Variants in MEGF11 observed in about 807,000 individuals in gnomAD.
MEGF11 encodes multiple EGF like domains 11.
A neutral mutation model predicts 146.6 loss-of-function variants in MEGF11; 126 were observed. The ratio of observed to expected loss-of-function variants is 0.86; its 90% CI spans 0.74 to 1.00. The LOEUF (loss-of-function observed/expected upper bound fraction) is 1.00, where lower values mean the gene tolerates loss of function less well. MEGF11 is among the 50% of genes least tolerant of loss of function. The pLI is 0.00. For synonymous variants in MEGF11, 532 were observed against 583.4 expected (o/e 0.91, Z 1.27); for missense variants, 1,509 against 1,521.2 (o/e 0.99, Z 0.13).
chr15:66,249,973 C>T (rs193271133), intron 1 of MEGF11, among the ~76,000 whole-genome samples: 1 of 152,304 alleles, frequency 6.6e-6, no homozygotes, highest in East Asian at 1.9e-4. Flanking sequence ...CGGGCTGGGC[C>T]CCTCTTACTG....
intron 5 of MEGF11, among the ~76,000 whole-genome samples, chr15:66,075,654 G>A (rs1181970989): frequency 6.6e-6 from 1 of 152,184 alleles, no homozygotes; most frequent in Non-Finnish European, 1.5e-5. Flanking sequence ...GGGACAGAGT[G>A]AAGCCAGATC....
chr15:66,224,714 T>A (rs1417308397), intron 1 of MEGF11, among the ~76,000 whole-genome samples: 1 of 146,124 alleles, frequency 6.8e-6, no homozygotes, highest in Non-Finnish European at 1.5e-5. Flanking sequence ...TATATACATT[T>A]TATATATATC....
At chr15:66,195,442 T>C (rs560151946) in intron 1 of MEGF11, among the ~76,000 whole-genome samples, 25 of 152,300 alleles carry the variant, frequency 1.6e-4, no homozygotes, top group African/African-American at 5.5e-4. Context: ...GGTTGTGTCC[T>C]AGCCTGGGTT....
chr15:66,028,454 A>C (rs2083411380), intron 5 of MEGF11, among the ~76,000 whole-genome samples: 1 of 152,250 alleles, frequency 6.6e-6, no homozygotes, highest in Non-Finnish European at 1.5e-5. Flanking sequence ...AATAGGAATG[A>C]TCAAATGATC....
At chr15:66,156,196 C>G (rs534674238) in intron 1 of MEGF11, among the ~76,000 whole-genome samples, 1 of 152,260 alleles carries the variant, frequency 6.6e-6, no homozygotes, top group Non-Finnish European at 1.5e-5. Context: ...TGGGTCCTCT[C>G]ACAGCAGCCT....
chr15:66,188,051 C>T (rs543245835), intron 1 of MEGF11, among the ~76,000 whole-genome samples: 159 of 152,228 alleles, frequency 1.0e-3, no homozygotes, highest in East Asian at 2.5e-3. Flanking sequence ...TGGGGGGAGC[C>T]GGAGGACTGT....
At chr15:65,951,845 T>G (rs2080414604) in intron 10 of MEGF11, among the ~76,000 whole-genome samples, 2 of 152,086 alleles carry the variant, frequency 1.3e-5, no homozygotes, top group African/African-American at 2.4e-5. Context: ...CAAATTTTTT[T>G]TTTTTAAATA....
rs1157914907 is a variant in MEGF11, at chr15:65,989,948, C to T, written c.395-7460G>A. Among the ~76,000 whole-genome samples the T allele has an allele frequency of 2.0e-5, 3 of 152,158 alleles. No individual in the cohort carries two copies. In the East Asian group the frequency reaches 5.8e-4, roughly 29 times the overall value. On this transcript the variant is annotated intron_variant, in intron 5 of 25. Transcript: ENST00000395614. ...ATGGCTCGTACCTGTAATCCCAAAA[C>T]TTTGGGAGGCCGAGGAAGGAGGATC...
At chr15:66,137,811 G>A (rs1206833825) in intron 1 of MEGF11, among the ~76,000 whole-genome samples, 1 of 151,908 alleles carries the variant, frequency 6.6e-6, no homozygotes, top group Non-Finnish European at 1.5e-5. Flanking sequence ...GCCTCCCAAA[G>A]TGCTGGGATT....
rs1047652568 is a variant in MEGF11, at chr15:65,898,515, G to A, written c.3262+213C>T. ...CCAGTATTTGTTTCATATTAGTCCTGGTGTTTTTTAAAGCAGAGTTGGTAC... is the reference window on the plus strand; with the variant it reads ...CCAGTATTTGTTTCATATTAGTCCTAGTGTTTTTTAAAGCAGAGTTGGTAC... On this transcript the variant is annotated intron_variant, in intron 25 of 25. Coordinates refer to ENST00000395614, the MANE Select transcript of MEGF11 (RefSeq NM_001385028.1). The A allele has an allele frequency of 4.2e-5, 41 of 985,338 alleles. No individual in the cohort carries two copies. In the African/African-American group the frequency reaches 7.0e-4, roughly 17 times the overall value. 61.0% of individuals were successfully genotyped at this position (985,338 alleles called of 1,614,324 possible). A position where few individuals can be genotyped will look rare whatever the true frequency, so the allele number is the denominator to read the frequency against.
intron 5 of MEGF11, among the ~76,000 whole-genome samples, chr15:66,028,235 C>A (rs1204634119): frequency 6.6e-6 from 1 of 152,212 alleles, no homozygotes; most frequent in African/African-American, 2.4e-5. Context: ...CAGCACCCAG[C>A]ACAGACCCTG....
At chr15:66,058,183 A>G (rs1456633159) in intron 5 of MEGF11, among the ~76,000 whole-genome samples, 1 of 152,212 alleles carries the variant, frequency 6.6e-6, no homozygotes, top group Non-Finnish European at 1.5e-5. Flanking sequence ...TATCCCTGCA[A>G]GATGGGCTGA....
Position 65,913,895 on chromosome 15 carries a change from G to A in MEGF11, c.2552C>T (p.Ala851Val), listed in dbSNP as rs968632440. Residue 851 changes from alanine (A) to valine (V), a missense_variant, in exon 20 of 26, where the codon GCT (alanine) becomes GTT (valine). By Grantham distance (64) the Ala-to-Val change is moderately conservative. Coordinates refer to ENST00000395614, the MANE Select transcript of MEGF11 (RefSeq NM_001385028.1). Reference sequence around the variant, plus strand: ...TAACAGGAGCATGATGCCTGTGACAGCACCCACCGAGTGCCGCTCTGCACC... The same window carrying A: ...TAACAGGAGCATGATGCCTGTGACAACACCCACCGAGTGCCGCTCTGCACC... ...ALGAERHSVG[A>V]VTGIMLLLFL... 6.8e-6 allele frequency: 11 copies of A among 1,613,914 alleles called. No individual in the cohort carries two copies. The highest frequency in any genetic ancestry group is 2.2e-5 in the East Asian group (1 of 44,898).
At chr15:66,214,160 C>T (rs765500494) in intron 1 of MEGF11, among the ~76,000 whole-genome samples, 75 of 151,878 alleles carry the variant, frequency 4.9e-4, no homozygotes, top group African/African-American at 1.5e-3. Context: ...CTCAGCCTCC[C>T]GAGTAGCTGG....
chr15:66,117,626 G>A (rs955501769), intron 4 of MEGF11, among the ~76,000 whole-genome samples: 7 of 152,148 alleles, frequency 4.6e-5, no homozygotes, highest in South Asian at 2.1e-4. Flanking sequence ...TGCGCGGGCC[G>A]CTTACATCTG....
intron 4 of MEGF11, among the ~76,000 whole-genome samples, chr15:66,116,666 T>C (rs928232980): frequency 6.6e-6 from 1 of 152,158 alleles, no homozygotes; most frequent in Non-Finnish European, 1.5e-5. Context: ...AAGGACTTTG[T>C]GTGTTGGTAT....
intron 4 of MEGF11, among the ~76,000 whole-genome samples, chr15:66,107,020 G>A (rs2087115326): frequency 1.3e-5 from 2 of 151,692 alleles, no homozygotes; most frequent in Admixed American, 1.3e-4. Context: ...TCGTGATAGG[G>A]GTGCCAAGCC....
chr15:65,995,969 A>T (rs2082183758), intron 5 of MEGF11, among the ~76,000 whole-genome samples: 1 of 152,136 alleles, frequency 6.6e-6, no homozygotes. Flanking sequence ...AAACTGAGGC[A>T]CAGAGAGGTA....
At chr15:66,082,720 G>C (rs912545302) in intron 5 of MEGF11, among the ~76,000 whole-genome samples, 10 of 141,896 alleles carry the variant, frequency 7.0e-5, no homozygotes, top group Non-Finnish European at 7.6e-5. Context: ...TTTACGTGAA[G>C]CATTTGCACA....
Sources: allele counts gnomAD v4.1 joint callset (sites outside exome capture counted in the v4.1 genomes callset), GRCh38; gene constraint gnomAD v4.1.1; transcripts MANE v1.5; gene names NCBI Gene and HGNC (gene_info 2026-07-23, HGNC 2026-07-21).